Variants in NT5DC3 observed in about 807,000 individuals in gnomAD.
The protein encoded by NT5DC3 is 5'-nucleotidase domain-containing protein 3.
Under a neutral mutation model 67.8 loss-of-function variants are expected in NT5DC3, and 42 were observed. The observed-to-expected ratio is 0.62, with a 90% CI of 0.48 to 0.80. NT5DC3 has a LOEUF of 0.80. Among genes scored for constraint, NT5DC3 ranks in the 30% least tolerant of loss-of-function variants. The pLI, the probability that NT5DC3 is intolerant of heterozygous loss-of-function variation, is 0.00. For synonymous variants in NT5DC3, 237 were observed against 255.6 expected, an observed-to-expected ratio of 0.93 and a Z score of 0.69; for missense variants, 570 against 696.4, an observed-to-expected ratio of 0.82 and a Z score of 2.04.
intron 2 of NT5DC3, among the ~76,000 whole-genome samples, chr12:103,807,780 C>T (rs562978800): frequency 3.9e-5 from 6 of 152,218 alleles, no homozygotes; most frequent in South Asian, 4.2e-4. Flanking sequence ...ATGATGGGGG[C>T]GGCTTCCCCC....
At chr12:103,833,978 G>T (rs1454705429) in intron 1 of NT5DC3, among the ~76,000 whole-genome samples, 1 of 152,074 alleles carries the variant, frequency 6.6e-6, no homozygotes, top group Non-Finnish European at 1.5e-5. Flanking sequence ...TTAGAACGAG[G>T]ATTCTCAACC....
intron 3 of NT5DC3, 60 bp downstream of exon 3, chr12:103,806,795 A>C (rs71466279): frequency 9.1e-7 from 1 of 1,094,700 alleles, no homozygotes; most frequent in South Asian, 1.3e-5. Flanking sequence ...AAAAGTACCA[A>C]CAGTACATTT....
At chr12:103,755,331 G>A in the NT5DC3 span, 2 of 1,614,088 alleles carry the variant, frequency 1.2e-6, no homozygotes, top group South Asian at 1.1e-5. Flanking sequence ...CAGCAGGCTG[G>A]CTGGAGACCG....
chr12:103,779,133 G>T (rs959164301), intron 13 of NT5DC3, among the ~76,000 whole-genome samples: 4 of 152,272 alleles, frequency 2.6e-5, no homozygotes, highest in South Asian at 4.2e-4. Context: ...AGGAATTAAA[G>T]ATTGTTTTAT....
downstream of NT5DC3, chr12:103,766,568 AGCTGG>A: frequency 1.9e-6 from 1 of 516,604 alleles, no homozygotes; most frequent in Non-Finnish European, 3.5e-6. Context: ...TGTACTCTTC[AGCTGG>A]CACCTGCTCC....
At chr12:103,769,573 C>T (rs1029468909), downstream of NT5DC3, among the ~76,000 whole-genome samples, 1 of 152,352 alleles carries the variant, frequency 6.6e-6, no homozygotes, top group South Asian at 2.1e-4. Flanking sequence ...TCAGTGGGAC[C>T]CATGCAGACA....
At chr12:103,749,115 G>A in the NT5DC3 span, 105 of 1,611,520 alleles carry the variant, frequency 6.5e-5, no homozygotes, top group Admixed American at 1.0e-4. Context: ...CGGCCTTAAC[G>A]GAGGGTGTCA....
At chr12:103,818,503 G>GTAGCT (rs144143153) in intron 1 of NT5DC3, among the ~76,000 whole-genome samples, 15,329 of 151,584 alleles carry the variant, frequency 0.1, 1,093 homozygotes, top group East Asian at 0.29. Context: ...TGCCTCCCAA[G>GTAGCT]TAGCTGAGAT....
chr12:103,750,770 G>A, the NT5DC3 span: 4 of 1,564,946 alleles, frequency 2.6e-6, no homozygotes, highest in East Asian at 4.6e-5. Flanking sequence ...CTTCAGGCCT[G>A]GGGAAGGGAC....
At position 103,776,686 on chromosome 12, in the gene NT5DC3, AAAC is replaced by A. The variant is rs1885353074; in HGVS notation, c.*1140_*1142del. 2.0e-5 allele frequency: 3 copies of A among 152,016 alleles called. No homozygotes were observed. Among genetic ancestry groups the A allele is most frequent in the African/African-American group, 7.2e-5 (3 of 41,402 alleles). 9.4% of individuals were successfully genotyped at this position (152,016 alleles called of 1,614,324 possible). A position where few individuals can be genotyped will look rare whatever the true frequency, so the allele number is the denominator to read the frequency against. ...AAACAAAACAAAACAAAAAAAAAAA[AAAC>A]AAACTACACAAACTCCCAAATAGTC... On this transcript the variant is annotated 3_prime_UTR_variant, in exon 14 of 14. Transcript: ENST00000392876.
rs772623098 is a variant in NT5DC3 at position 103,787,499 on chromosome 12, G to A, written c.1130C>T (p.Thr377Ile). 1.3e-5 allele frequency: 20 copies of A among 1,599,554 alleles called. No individual in the cohort carries two copies. Among genetic ancestry groups the A allele is most frequent in the Non-Finnish European group, 1.7e-6 (2 of 1,171,260 alleles). The change falls in exon 11 of 14, where the codon ACT becomes ATT. Residue 377 changes from threonine to isoleucine, a missense_variant. Physicochemically the swap from Thr to Ile is moderately conservative, Grantham distance 89. Transcript: ENST00000392876. The stretch of plus-strand genomic sequence containing the variant: ...CAACACTCTGGATCCTCTCCATCCA[G>A]TAAGCTTCAAAAATTCATATAAATT... ...QGNLYEFLKL[T>I]GWRGSRVLYF...
the NT5DC3 span, among the ~76,000 whole-genome samples, chr12:103,752,015 C>T: frequency 7.2e-5 from 11 of 152,160 alleles, no homozygotes; most frequent in Non-Finnish European, 1.5e-5. Context: ...AAACTGCCTT[C>T]ATGATTTGCA....
intron 11 of NT5DC3, 35 bp downstream of exon 11, chr12:103,787,406 T>C (rs1885836885): frequency 1.9e-6 from 2 of 1,069,898 alleles, no homozygotes; most frequent in South Asian, 1.8e-5. Flanking sequence ...GACTAACACA[T>C]CTGTCCCCCA....
chr12:103,773,253 G>A lies in NT5DC3; in HGVS notation c.*4576C>T, dbSNP rs1259576598. On this transcript the variant is annotated 3_prime_UTR_variant, in exon 14 of 14. Transcript: ENST00000392876. ...ACAGCTTGTCTTGGTAAATCAAGTTGTGCTGGAACACAGCCATGACCATGG... is the reference window on the plus strand; with the variant it reads ...ACAGCTTGTCTTGGTAAATCAAGTTATGCTGGAACACAGCCATGACCATGG... 1 of 152,198 alleles carries A rather than the reference G, an allele frequency of 6.6e-6. No individual in the cohort carries two copies. The highest frequency in any genetic ancestry group is 1.9e-4 in the East Asian group (1 of 5,198). The allele number at this position is 152,198 out of a possible 1,614,324, so 9.4% of individuals were successfully genotyped here.
intron 12 of NT5DC3, among the ~76,000 whole-genome samples, chr12:103,784,134 C>A (rs1885670482): frequency 6.6e-6 from 1 of 152,222 alleles, no homozygotes; most frequent in Admixed American, 6.5e-5. Flanking sequence ...ATAGAGCCAG[C>A]ACTCAGCACA....
At chr12:103,752,295 A>G in the NT5DC3 span, among the ~76,000 whole-genome samples, 1 of 152,238 alleles carries the variant, frequency 6.6e-6, no homozygotes, top group African/African-American at 2.4e-5. Flanking sequence ...ACACTTTTCC[A>G]TACTTCTCCA....
intron 3 of NT5DC3, among the ~76,000 whole-genome samples, 165 bp downstream of exon 3, chr12:103,806,690 C>T (rs1304857243): frequency 6.6e-6 from 1 of 152,200 alleles, no homozygotes; most frequent in Non-Finnish European, 1.5e-5. Context: ...AATACATAGT[C>T]TCTTCCAGAA....
chr12:103,760,982 C>T, the NT5DC3 span, among the ~76,000 whole-genome samples: 11 of 120,920 alleles, frequency 9.1e-5, 1 homozygote, highest in East Asian at 5.2e-4. Flanking sequence ...ATGGACGCAG[C>T]GTCCACAGGC....
At chr12:103,749,613 A>G in the NT5DC3 span, among the ~76,000 whole-genome samples, 1 of 151,358 alleles carries the variant, frequency 6.6e-6, no homozygotes, top group Non-Finnish European at 1.5e-5. Context: ...ATGGATCACG[A>G]GGTCAGGAGA....
Sources: allele counts gnomAD v4.1 joint callset (sites outside exome capture counted in the v4.1 genomes callset), GRCh38; gene constraint gnomAD v4.1.1; transcripts MANE v1.5; gene names NCBI Gene and HGNC (gene_info 2026-07-23, HGNC 2026-07-21).